The following EHD1 variants were observed in gnomAD, a reference collection of about 807,000 sequenced individuals.
EHD1 encodes the protein EH domain containing 1, also known as EH domain-containing protein 1.
EHD1 carries 19 observed loss-of-function variants against 39.0 expected under a neutral mutation model. That is an observed-to-expected ratio of 0.49 (90% CI 0.34 to 0.72). EHD1 has a LOEUF of 0.72. Ranked by LOEUF, EHD1 falls within the 30% of genes least tolerant of loss-of-function variation. The pLI, the probability that EHD1 is intolerant of heterozygous loss-of-function variation, is 0.01. For synonymous variants in EHD1, 323 were observed against 331.2 expected (o/e 0.98, Z 0.27); for missense variants, 542 against 751.5 (o/e 0.72, Z 3.26).
At position 64,853,558 on chromosome 11, in the gene EHD1, A is replaced by G. The variant is rs1474127040; in HGVS notation, c.*775T>C. 1 of 152,692 alleles carries G rather than the reference A, an allele frequency of 6.5e-6. No individual in the cohort carries two copies. The highest frequency in any genetic ancestry group is 2.4e-5 in the African/African-American group (1 of 41,478). The allele number at this position is 152,692 out of a possible 1,614,324, so 9.5% of individuals were successfully genotyped here. Reference sequence around the variant, plus strand: ...GGCTGGAGGGTGGGAAGGGGAGACAAAAATCACAGCTTTTGAACAGTGGTT... The same window carrying G: ...GGCTGGAGGGTGGGAAGGGGAGACAGAAATCACAGCTTTTGAACAGTGGTT... On this transcript the variant is annotated 3_prime_UTR_variant, in exon 5 of 5. Transcript: ENST00000320631.
At chr11:64,855,642 TC>T in intron 3 of EHD1, 156 bp from the exon 4 acceptor site, 2 of 1,039,242 alleles carry the variant, frequency 1.9e-6, no homozygotes, top group Non-Finnish European at 2.8e-6. Flanking sequence ...CACCACCGGC[TC>T]CCACAGTCCT....
chr11:64,862,579 T>C (rs1943727022), intron 2 of EHD1, among the ~76,000 whole-genome samples: 1 of 152,248 alleles, frequency 6.6e-6, no homozygotes, highest in African/African-American at 2.4e-5. Context: ...CTATCTGACT[T>C]AAGCCAATGA....
chr11:64,867,659 AG>A (rs1366906527), intron 2 of EHD1, among the ~76,000 whole-genome samples: 1 of 152,218 alleles, frequency 6.6e-6, no homozygotes, highest in Non-Finnish European at 1.5e-5. Flanking sequence ...CGGAGGTTGC[AG>A]TGGGCCGAGA....
At chr11:64,855,724 G>C in intron 3 of EHD1, 1 of 557,176 alleles carries the variant, frequency 1.8e-6, no homozygotes, top group Non-Finnish European at 3.2e-6. Flanking sequence ...ACAGGAAAAC[G>C]CACTTGAAAC....
At chr11:64,879,272 C>T (rs2136509043), upstream of EHD1, 7 of 994,762 alleles carry the variant, frequency 7.0e-6, no homozygotes, top group South Asian at 1.5e-4. Flanking sequence ...GGCCTGACCT[C>T]CCCTCAGGCC....
At chr11:64,856,575 C>CG in intron 3 of EHD1, 1 of 152,432 alleles carries the variant, frequency 6.6e-6, no homozygotes, top group African/African-American at 2.4e-5. Context: ...CAGAGGGCTG[C>CG]GGCCAGCCAG....
chr11:64,858,900 C>T (rs1330157968), intron 3 of EHD1, among the ~76,000 whole-genome samples: 3 of 152,230 alleles, frequency 2.0e-5, no homozygotes, highest in Non-Finnish European at 4.4e-5. Context: ...TAAGGATGGT[C>T]TGCAAGGCCT....
intron 2 of EHD1, among the ~76,000 whole-genome samples, chr11:64,873,380 T>TG (rs1334311753): frequency 1.3e-5 from 2 of 152,224 alleles, no homozygotes; most frequent in Non-Finnish European, 2.9e-5. Flanking sequence ...TATATGGCTT[T>TG]GGGGGGCAAA....
At chr11:64,857,772 C>G (rs1377277516) in intron 3 of EHD1, among the ~76,000 whole-genome samples, 2 of 152,192 alleles carry the variant, frequency 1.3e-5, no homozygotes, top group Non-Finnish European at 2.9e-5. Flanking sequence ...CAGGAAGTGC[C>G]CATCCTCAGT....
chr11:64,867,955 T>G (rs913464013), intron 2 of EHD1, among the ~76,000 whole-genome samples: 6 of 152,176 alleles, frequency 3.9e-5, no homozygotes, highest in Admixed American at 3.3e-4. Flanking sequence ...ACTGCGGCTC[T>G]GGGGCGCCCC....
In EHD1 at chr11:64,853,876, G is replaced by A. The variant is rs1943611640; in HGVS notation, c.*457C>T. 1 of 166,884 alleles carries A rather than the reference G, an allele frequency of 6.0e-6. No homozygotes were observed. 10.3% of individuals were successfully genotyped at this position (166,884 alleles called of 1,614,324 possible). Reference sequence around the variant, plus strand: ...GAGGCAGAGCCAGGTGAGGAAGGAAGCCACGGTCCCGTGAAGCAACCTCAG... The same window carrying A: ...GAGGCAGAGCCAGGTGAGGAAGGAAACCACGGTCCCGTGAAGCAACCTCAG... On this transcript the variant is annotated 3_prime_UTR_variant, in exon 5 of 5. Coordinates refer to ENST00000320631, the MANE Select transcript of EHD1 (RefSeq NM_006795.4).
At chr11:64,856,671 C>T (rs2136476068) in intron 3 of EHD1, 1 of 152,492 alleles carries the variant, frequency 6.6e-6, no homozygotes, top group East Asian at 1.9e-4. Flanking sequence ...TGGCTGAGAA[C>T]TGCCTGAGGG....
intron 3 of EHD1, among the ~76,000 whole-genome samples, chr11:64,858,550 T>C (rs371066776): frequency 2.0e-4 from 30 of 152,338 alleles, no homozygotes; most frequent in African/African-American, 7.0e-4. Flanking sequence ...CTAGGTGCCC[T>C]GCTGATACAA....
At chr11:64,858,742 A>G (rs1422918508) in intron 3 of EHD1, among the ~76,000 whole-genome samples, 1 of 152,226 alleles carries the variant, frequency 6.6e-6, no homozygotes, top group Non-Finnish European at 1.5e-5. Context: ...CTGTGTTGGA[A>G]GGGCCCGCTG....
rs1438837648 is a variant in EHD1 at position 64,851,646 on chromosome 11, G to A, written c.*2687C>T. On this transcript the variant is annotated 3_prime_UTR_variant, in exon 5 of 5. Coordinates refer to ENST00000320631, the MANE Select transcript of EHD1 (RefSeq NM_006795.4). ...CAAGCTTTCAGGACCCCAGGCTGGA[G>A]TGACAGCATTTAACCTTTAATGTGG... 2.0e-5 allele frequency: 3 copies of A among 152,300 alleles called. No homozygotes were observed. Among genetic ancestry groups the A allele is most frequent in the Non-Finnish European group, 4.4e-5 (3 of 68,114 alleles). The allele number at this position is 152,300 out of a possible 1,614,324, so 9.4% of individuals were successfully genotyped here.
At chr11:64,878,896 G>T (rs1943923243), upstream of EHD1, 2 of 1,038,770 alleles carry the variant, frequency 1.9e-6, no homozygotes, top group Non-Finnish European at 2.3e-6. Context: ...AAGGCGAGGA[G>T]CGGGCGTTCG....
At chr11:64,859,037 C>T (rs767870338) in intron 3 of EHD1, among the ~76,000 whole-genome samples, 3 of 152,354 alleles carry the variant, frequency 2.0e-5, no homozygotes, top group East Asian at 1.9e-4. Flanking sequence ...CCTGCCAGGC[C>T]CCCCCAGCCC....
chr11:64,859,825 C>T, intron 3 of EHD1, 99 bp downstream of exon 3: 2 of 1,468,740 alleles, frequency 1.4e-6, no homozygotes, highest in East Asian at 2.4e-5. Flanking sequence ...GTGAAGTGAG[C>T]TGGGAAGGGT....
At chr11:64,861,128 G>A (rs1239277641) in intron 2 of EHD1, among the ~76,000 whole-genome samples, 1 of 151,682 alleles carries the variant, frequency 6.6e-6, no homozygotes, top group African/African-American at 2.4e-5. Flanking sequence ...AGAGGTTGCA[G>A]TGAGCCGAGA....
Sources: allele counts gnomAD v4.1 joint callset (sites outside exome capture counted in the v4.1 genomes callset), GRCh38; gene constraint gnomAD v4.1.1; transcripts MANE v1.5; gene names NCBI Gene and HGNC (gene_info 2026-07-23, HGNC 2026-07-21).